The following ABI3BP variants were observed in gnomAD, a reference collection of about 807,000 sequenced individuals.
The protein encoded by ABI3BP is ABI family member 3 binding protein, also known as target of Nesh-SH3.
Under a neutral mutation model 268.6 loss-of-function variants are expected in ABI3BP, and 216 were observed. That is an observed-to-expected ratio of 0.80 (90% CI 0.72 to 0.90). The LOEUF (loss-of-function observed/expected upper bound fraction) is 0.90. Among genes scored for constraint, ABI3BP ranks in the 40% least tolerant of loss-of-function variants. The probability of loss-of-function intolerance (pLI) is 0.00; values close to 1 mark genes in which losing one functional copy is unlikely to be tolerated. For synonymous variants in ABI3BP, 730 were observed against 730.0 expected, an observed-to-expected ratio of 1.00 and a Z score of 0.00; for missense variants, 2,090 against 2,182.4, an observed-to-expected ratio of 0.96 and a Z score of 0.84.
rs933148471 is a variant in ABI3BP at position 100,926,469 on chromosome 3, T to C, written c.92A>G (p.Asn31Ser). The C allele has an allele frequency of 6.2e-7, 1 of 1,613,054 alleles. No homozygotes were observed. The highest frequency in any genetic ancestry group is 8.5e-7 in the Non-Finnish European group (1 of 1,179,358). Reference sequence around the variant, plus strand: ...TGTGGTATTGATGTGGACTTTGAGGTTTGGCCTTTTACCTAACAATGGGAA... The same window carrying C: ...TGTGGTATTGATGTGGACTTTGAGGCTTGGCCTTTTACCTAACAATGGGAA... The part of the protein sequence containing the change: ...AQKLPKGKRP[N>S]LKVHINTTSD... Residue 31 changes from asparagine (N) to serine (S), a missense_variant, in exon 2 of 68, where the codon AAC becomes AGC. Transcript: ENST00000471714.
At chr3:100,780,072 G>T in intron 58 of ABI3BP, 60 bp downstream of exon 58, 1 of 1,523,610 alleles carries the variant, frequency 6.6e-7, no homozygotes, top group Non-Finnish European at 9.1e-7. Flanking sequence ...GAATGATACT[G>T]CAGTTACCAT....
At chr3:100,787,917 CA>C in intron 56 of ABI3BP, 115 bp from the exon 57 acceptor site, 3 of 620,252 alleles carry the variant, frequency 4.8e-6, no homozygotes, top group African/African-American at 1.9e-5. Flanking sequence ...GATGACTTAC[CA>C]AAAATATTAT....
chr3:100,959,007 C>T (rs1056140529), intron 1 of ABI3BP, among the ~76,000 whole-genome samples: 2 of 152,142 alleles, frequency 1.3e-5, no homozygotes, highest in African/African-American at 4.8e-5. Flanking sequence ...CCTAACCCCA[C>T]GGGGGAAGAA....
At chr3:100,886,853 A>G (rs983806085) in intron 4 of ABI3BP, among the ~76,000 whole-genome samples, 2 of 152,022 alleles carry the variant, frequency 1.3e-5, no homozygotes, top group African/African-American at 4.8e-5. Context: ...ATTAAAAAGA[A>G]GACCAATAGC....
At chr3:100,801,434 AAAAAAAG>A in intron 51 of ABI3BP, among the ~76,000 whole-genome samples, 1 of 145,872 alleles carries the variant, frequency 6.9e-6, no homozygotes, top group African/African-American at 2.4e-5. Flanking sequence ...TCAAAAAAAA[AAAAAAAG>A]AAAAGAAAAG....
At chr3:100,871,987 C>G (rs2099114796) in intron 9 of ABI3BP, among the ~76,000 whole-genome samples, 1 of 152,110 alleles carries the variant, frequency 6.6e-6, no homozygotes, top group Non-Finnish European at 1.5e-5. Flanking sequence ...CAGGCATGTA[C>G]CATCATGCCT....
At chr3:100,754,333 A>G (rs1204307603) in intron 64 of ABI3BP, among the ~76,000 whole-genome samples, 1 of 152,164 alleles carries the variant, frequency 6.6e-6, no homozygotes, top group Non-Finnish European at 1.5e-5. Context: ...ACTCACTGGT[A>G]TTTTCATTCT....
At chr3:100,759,598 G>A (rs1298898508) in intron 63 of ABI3BP, among the ~76,000 whole-genome samples, 1 of 152,168 alleles carries the variant, frequency 6.6e-6, no homozygotes, top group Admixed American at 6.5e-5. Context: ...CTCTAATTCT[G>A]TGGTACTGTT....
intron 2 of ABI3BP, among the ~76,000 whole-genome samples, chr3:100,914,620 T>C (rs1256331376): frequency 1.3e-5 from 2 of 152,182 alleles, no homozygotes; most frequent in Non-Finnish European, 2.9e-5. Context: ...AGCCCCTCAT[T>C]GGCCCGCTAT....
At chr3:100,916,863 A>G (rs1314660701) in intron 2 of ABI3BP, among the ~76,000 whole-genome samples, 1 of 152,186 alleles carries the variant, frequency 6.6e-6, no homozygotes, top group Non-Finnish European at 1.5e-5. Context: ...ACATCTGGGG[A>G]CCATGCTAAG....
chr3:100,828,827 A>G (rs1273929914), intron 33 of ABI3BP, among the ~76,000 whole-genome samples: 1 of 152,186 alleles, frequency 6.6e-6, no homozygotes, highest in Non-Finnish European at 1.5e-5. Flanking sequence ...AAAGAGGACA[A>G]GAAGAGGGCC....
chr3:100,830,574 T>C lies in ABI3BP; in HGVS notation c.2458+4A>G, dbSNP rs2098474109. The C allele has an allele frequency of 1.3e-6, 2 of 1,533,858 alleles. No homozygotes were observed. The highest frequency in any genetic ancestry group is 1.7e-6 in the Non-Finnish European group (2 of 1,145,448). On this transcript the variant is annotated splice_donor_region_variant and intron_variant, in intron 32 of 67. Coordinates refer to ENST00000471714, the MANE Select transcript of ABI3BP (RefSeq NM_001375547.2). The stretch of plus-strand genomic sequence containing the variant: ...AGATGTTGATGGACATAATGTGCCA[T>C]TACCTGCTGTTGTCCCTGAAGCCTC...
chr3:100,766,811 A>G (rs1234620760), intron 62 of ABI3BP, among the ~76,000 whole-genome samples: 1 of 152,200 alleles, frequency 6.6e-6, no homozygotes, highest in Non-Finnish European at 1.5e-5. Flanking sequence ...AACCCCACTC[A>G]AAATCAGCTC....
chr3:100,961,628 G>A lies in ABI3BP; in HGVS notation c.79+31678C>T, dbSNP rs181420668. Among the ~76,000 whole-genome samples, 6 of 152,286 alleles carry A rather than the reference G, an allele frequency of 3.9e-5. No individual in the cohort carries two copies. The East Asian group carries it at 9.6e-4, about 24-fold the overall frequency. The stretch of plus-strand genomic sequence containing the variant: ...CTATGATGCAAAAAGTCACACTCTT[G>A]TTGGGCAAGATTCCATGTGTTATAA... On this transcript the variant is annotated intron_variant, in intron 1 of 67. Coordinates refer to ENST00000471714, the MANE Select transcript of ABI3BP (RefSeq NM_001375547.2).
chr3:100,857,274 A>G (rs574141839), intron 14 of ABI3BP, among the ~76,000 whole-genome samples: 4 of 152,344 alleles, frequency 2.6e-5, no homozygotes, highest in African/African-American at 9.6e-5. Context: ...TATGATGTGA[A>G]GGGGTGGCAG....
intron 1 of ABI3BP, among the ~76,000 whole-genome samples, chr3:100,990,822 C>T (rs2092794800): frequency 6.6e-6 from 1 of 151,976 alleles, no homozygotes; most frequent in Non-Finnish European, 1.5e-5. Flanking sequence ...GGTATCAAGT[C>T]CTGGCTCCAC....
intron 36 of ABI3BP, among the ~76,000 whole-genome samples, chr3:100,824,263 G>C (rs1040583904): frequency 1.3e-5 from 2 of 152,142 alleles, no homozygotes; most frequent in South Asian, 2.1e-4. Flanking sequence ...AGACTGGACT[G>C]CCTTTCTAGC....
chr3:100,792,907 A>G, intron 54 of ABI3BP, 139 bp from the exon 55 acceptor site: 1 of 676,210 alleles, frequency 1.5e-6, no homozygotes. Flanking sequence ...AATCACAATA[A>G]TTCAAAGTTA....
At chr3:100,839,534 C>T (rs1258265759) in intron 24 of ABI3BP, 35 bp downstream of exon 24, 2 of 1,534,564 alleles carry the variant, frequency 1.3e-6, no homozygotes, top group Non-Finnish European at 1.7e-6. Context: ...AGCTACAACC[C>T]GTGAAAGCAG....
Sources: allele counts gnomAD v4.1 joint callset (sites outside exome capture counted in the v4.1 genomes callset), GRCh38; gene constraint gnomAD v4.1.1; transcripts MANE v1.5; gene names NCBI Gene and HGNC (gene_info 2026-07-23, HGNC 2026-07-21).